The following COQ6 variants were observed in gnomAD, a reference collection of about 807,000 sequenced individuals.
COQ6 encodes the protein ubiquinone biosynthesis monooxygenase COQ6, mitochondrial.
Under a neutral mutation model 55.5 loss-of-function variants are expected in COQ6, and 45 were observed. The ratio of observed to expected loss-of-function variants is 0.81; its 90% CI spans 0.64 to 1.04. The LOEUF (loss-of-function observed/expected upper bound fraction) is 1.04. Among genes scored for constraint, COQ6 ranks in the 50% least tolerant of loss-of-function variants. COQ6 has a pLI of 0.00. For missense variants in COQ6, 550 were observed against 601.3 expected, an observed-to-expected ratio of 0.91 and a Z score of 0.89; for synonymous variants, 206 against 230.5, an observed-to-expected ratio of 0.89 and a Z score of 0.96.
upstream of COQ6, chr14:73,950,029 C>A (rs1878774730): frequency 1.2e-6 from 2 of 1,612,342 alleles, no homozygotes; most frequent in African/African-American, 1.3e-5. Flanking sequence ...ACGGTCATTT[C>A]AGCTGGACAG....
Position 73,955,922 on chromosome 14 carries a change from G to T in COQ6, c.475G>T (p.Val159Leu). ...MHALTKQLEAVSDRVTVLYRS... is the reference protein window; with the variant it reads ...MHALTKQLEALSDRVTVLYRS... Reference sequence around the variant, plus strand: ...TGCTCTCACTAAGCAGTTGGAGGCTGTGTCTGGTGAGGCCCCCATCTTCCA... The same window carrying T: ...TGCTCTCACTAAGCAGTTGGAGGCTTTGTCTGGTGAGGCCCCCATCTTCCA... Residue 159 changes from valine (V) to leucine (L), a missense_variant, in exon 4 of 12, where the codon GTG becomes TTG. Coordinates refer to ENST00000334571, the MANE Select transcript of COQ6 (RefSeq NM_182476.3). The T allele has an allele frequency of 6.2e-7, 1 of 1,614,088 alleles. No homozygotes were observed. The highest frequency in any genetic ancestry group is 8.5e-7 in the Non-Finnish European group (1 of 1,180,018).
Position 73,961,848 on chromosome 14 carries a change from T to C in COQ6, c.1322T>C (p.Leu441Pro), listed in dbSNP as rs1268647534. ...KRLYSTSASP[L>P]VLLRTWGLQA... ...CTCTATTCTACCAGTGCCTCCCCGC[T>C]TGTGTTGCTCAGGACGTGGGGCTTG... Residue 441 changes from leucine (L) to proline (P), a missense_variant, in exon 11 of 12, where the codon CTT (leucine) becomes CCT (proline). Transcript: ENST00000334571. 1.2e-6 allele frequency: 2 copies of C among 1,614,072 alleles called. No homozygotes were observed. Among genetic ancestry groups the C allele is most frequent in the Non-Finnish European group, 1.7e-6 (2 of 1,180,044 alleles).
intron 9 of COQ6, 29 bp from the exon 10 acceptor site, chr14:73,961,426 G>A (rs1317101037): frequency 6.2e-7 from 1 of 1,613,724 alleles, no homozygotes; most frequent in African/African-American, 1.3e-5. Context: ...GCTGCCAGAG[G>A]TCACACCTGA....
intron 4 of COQ6, 186 bp from the exon 5 acceptor site, chr14:73,957,961 A>C: frequency 1.7e-6 from 1 of 598,658 alleles, no homozygotes; most frequent in Non-Finnish European, 3.0e-6. Context: ...TTTTTTTGAC[A>C]TTGAGTTATC....
intron 2 of COQ6, 142 bp downstream of exon 2, chr14:73,953,711 T>C (rs968587999): frequency 9.2e-7 from 1 of 1,092,200 alleles, no homozygotes; most frequent in Non-Finnish European, 1.4e-6. Context: ...GGATTGGTAG[T>C]CTAGGGCAGA....
intron 1 of COQ6, 80 bp downstream of exon 1, chr14:73,950,575 C>T (rs2056148032): frequency 6.6e-7 from 1 of 1,511,332 alleles, no homozygotes; most frequent in South Asian, 1.2e-5. Context: ...CCTAGCACGA[C>T]TTGCCCAAAG....
chr14:73,952,379 C>T (rs2056237807), intron 1 of COQ6, among the ~76,000 whole-genome samples: 1 of 151,900 alleles, frequency 6.6e-6, no homozygotes, highest in African/African-American at 2.4e-5. Flanking sequence ...ACCTCAGTCT[C>T]CCAAAGTGCT....
At chr14:73,961,987 G>A (rs563341486) in intron 11 of COQ6, 84 bp downstream of exon 11, 21 of 1,510,680 alleles carry the variant, frequency 1.4e-5, no homozygotes, top group South Asian at 3.4e-5. Context: ...TGGTCTTATC[G>A]CCCAGGATGG....
chr14:73,951,649 A>T (rs979360551), intron 1 of COQ6, among the ~76,000 whole-genome samples: 18 of 135,674 alleles, frequency 1.3e-4, no homozygotes, highest in South Asian at 2.3e-4. Flanking sequence ...TTTTTTTGTG[A>T]TTTTTTTTTT....
At chr14:73,950,077 G>A (rs776181282), upstream of COQ6, 11 of 1,604,920 alleles carry the variant, frequency 6.9e-6, no homozygotes, top group Middle Eastern at 1.7e-4. Flanking sequence ...TGGCAGCAGC[G>A]GTGGCAGCGA....
chr14:73,959,203 T>C lies in COQ6; in HGVS notation c.762T>C (p.Ser254=), dbSNP rs1017183104. Residue 254 remains serine (S), a synonymous_variant, in exon 7 of 12, where the codon TCT becomes TCC. Transcript: ENST00000334571. ...NNVAWQRFLP[S]GPIALLPLSD... ...TAGCCTGGCAGAGATTTCTTCCCTC[T>C]GGGCCTATTGCTCTGCTCCCGGTAA... is the stretch of plus-strand genomic sequence containing the variant. 2 of 1,614,128 alleles carry C rather than the reference T, an allele frequency of 1.2e-6. No individual in the cohort carries two copies. Among genetic ancestry groups the C allele is most frequent in the African/African-American group, 2.7e-5 (2 of 74,946 alleles).
chr14:73,950,151 C>T (rs990207469), upstream of COQ6: 1 of 1,592,280 alleles, frequency 6.3e-7, no homozygotes, highest in Non-Finnish European at 8.5e-7. Flanking sequence ...TCCAGGGCAG[C>T]CTCCGATCCA....
At position 73,962,769 on chromosome 14, in the gene COQ6, A is replaced by G. The variant is rs2056805266; in HGVS notation, c.1378-201A>G. The G allele has an allele frequency of 1.3e-5, 8 of 600,156 alleles. No individual in the cohort carries two copies. The South Asian group carries it at 1.7e-4, about 13-fold the overall frequency. The allele number at this position is 600,156 out of a possible 1,614,324, so 37.2% of individuals were successfully genotyped here. ...GAGTTTGAGGCTGCAGTGAGCTATG[A>G]TCACACCACTGCACTCCAGCCCAGT... On this transcript the variant is annotated intron_variant, in intron 11 of 11. Transcript: ENST00000334571.
chr14:73,954,843 C>CAAAAAAAAAAAAAAAAAAAAAAAAA (rs1216623718), intron 2 of COQ6, among the ~76,000 whole-genome samples: 1 of 56,314 alleles, frequency 1.8e-5, no homozygotes, highest in Admixed American at 2.2e-4. Flanking sequence ...GATTCCGTCT[C>CAAAAAAAAAAAAAAAAAAAAAAAAA]AAAAAAAAAA....
intron 10 of COQ6, 33 bp downstream of exon 10, chr14:73,961,603 G>C (rs2056738087): frequency 1.9e-6 from 3 of 1,611,066 alleles, no homozygotes; most frequent in Non-Finnish European, 2.5e-6. Flanking sequence ...GAAGTATCCA[G>C]AGGTCATATA....
At chr14:73,950,235 A>T (rs147905999), upstream of COQ6, 20 of 1,538,498 alleles carry the variant, frequency 1.3e-5, no homozygotes, top group South Asian at 1.1e-4. Flanking sequence ...GGTTCTGAGG[A>T]CGCCGCGGAA....
upstream of COQ6, chr14:73,949,942 T>C (rs1358948393): frequency 6.2e-7 from 1 of 1,611,732 alleles, no homozygotes; most frequent in Middle Eastern, 1.7e-4. Flanking sequence ...CGGGATTCCT[T>C]TCCCGGGGGC....
intron 2 of COQ6, among the ~76,000 whole-genome samples, chr14:73,954,049 C>G (rs2056304726): frequency 6.6e-6 from 1 of 152,186 alleles, no homozygotes; most frequent in East Asian, 1.9e-4. Context: ...TGTCTGAAAC[C>G]ACCCCATCTC....
chr14:73,950,532 G>C (rs1362353136), intron 1 of COQ6, 37 bp downstream of exon 1: 14 of 1,570,452 alleles, frequency 8.9e-6, no homozygotes, highest in South Asian at 1.2e-5. Context: ...GCCGGAAACC[G>C]GGCCGCGGAG....
Sources: allele counts gnomAD v4.1 joint callset (sites outside exome capture counted in the v4.1 genomes callset), GRCh38; gene constraint gnomAD v4.1.1; transcripts MANE v1.5; gene names NCBI Gene and HGNC (gene_info 2026-07-23, HGNC 2026-07-21).